ABCC8: variants seen among roughly 807,000 people sequenced by gnomAD.
ABCC8 encodes the protein ATP binding cassette subfamily C member 8, also known as ATP-binding cassette sub-family C member 8.
Under a neutral mutation model 188.0 loss-of-function variants are expected in ABCC8, and 137 were observed. The observed-to-expected ratio is 0.73, with a 90% CI of 0.63 to 0.84. ABCC8 has a LOEUF of 0.84. ABCC8 is among the 40% of genes least tolerant of loss of function. The pLI is 0.00. For synonymous variants in ABCC8, 797 were observed against 846.5 expected (o/e 0.94, Z 1.01); for missense variants, 1,750 against 2,072.7 (o/e 0.84, Z 3.02).
intron 8 of ABCC8, among the ~76,000 whole-genome samples, chr11:17,445,827 G>A (rs931034406): frequency 8.5e-5 from 13 of 152,212 alleles, no homozygotes; most frequent in African/African-American, 2.9e-4. Flanking sequence ...TACAAGGGAG[G>A]GGGGCTGGGA....
chr11:17,414,641 C>T (rs191316152), intron 18 of ABCC8, 31 bp from the exon 19 acceptor site: 59 of 1,613,132 alleles, frequency 3.7e-5, no homozygotes, highest in Non-Finnish European at 4.7e-5. Context: ...GTAGGGGGTG[C>T]GGAAGGCATT....
intron 26 of ABCC8, among the ~76,000 whole-genome samples, chr11:17,406,157 C>A (rs1369131569): frequency 1.3e-5 from 2 of 152,212 alleles, no homozygotes; most frequent in African/African-American, 4.8e-5. Flanking sequence ...CAACTTTAAA[C>A]CTCTTTGACA....
intron 10 of ABCC8, among the ~76,000 whole-genome samples, chr11:17,432,760 A>C (rs548472305): frequency 2.0e-5 from 3 of 152,252 alleles, no homozygotes; most frequent in Admixed American, 2.0e-4. Context: ...TGTCCCTTAG[A>C]GTCTGTGTGC....
chr11:17,425,462 T>C (rs111379515), intron 16 of ABCC8, among the ~76,000 whole-genome samples: 49 of 152,326 alleles, frequency 3.2e-4, no homozygotes, highest in Admixed American at 1.2e-3. Context: ...CTAGAAATGA[T>C]TGGTAGGGAA....
rs546484380 is a variant in ABCC8 at position 17,439,649 on chromosome 11, GGCAAACACACTGA to G, written c.1630+3058_1630+3070del. ...GGAAAAAAAAACACATCCTCGGAAA[GGCAAACACACTGA>G]GCAAACAGCACTTGACTTTCAAAGC... On this transcript the variant is annotated intron_variant, in intron 10 of 38. Transcript: ENST00000389817. Among the ~76,000 whole-genome samples, 13 of 152,174 alleles carry G rather than the reference GGCAAACACACTGA, an allele frequency of 8.5e-5. No individual in the cohort carries two copies. In the East Asian group the frequency reaches 2.3e-3, roughly 27 times the overall value.
chr11:17,440,711 C>A (rs189566756), intron 10 of ABCC8, among the ~76,000 whole-genome samples: 137 of 152,370 alleles, frequency 9.0e-4, no homozygotes, highest in Admixed American at 2.6e-3. Flanking sequence ...GATGACTGGA[C>A]CACATTCCCT....
At chr11:17,408,814 GCC>G (rs1954665379) in intron 22 of ABCC8, among the ~76,000 whole-genome samples, 1 of 152,334 alleles carries the variant, frequency 6.6e-6, no homozygotes, top group East Asian at 1.9e-4. Flanking sequence ...CACGGCAGCG[GCC>G]GTCATACACT....
chr11:17,412,181 C>T (rs1019951447), intron 21 of ABCC8, among the ~76,000 whole-genome samples: 5 of 152,284 alleles, frequency 3.3e-5, no homozygotes, highest in Non-Finnish European at 5.9e-5. Context: ...CGTGAGCCAC[C>T]GCGCCTGGCC....
At chr11:17,413,220 T>G in intron 20 of ABCC8, among the ~76,000 whole-genome samples, 174 bp downstream of exon 20, 1 of 152,218 alleles carries the variant, frequency 6.6e-6, no homozygotes, top group South Asian at 2.1e-4. Flanking sequence ...CAAGCAGGAC[T>G]GAAAACCTGT....
At chr11:17,455,658 C>T (rs1956964943) in intron 6 of ABCC8, among the ~76,000 whole-genome samples, 1 of 152,112 alleles carries the variant, frequency 6.6e-6, no homozygotes, top group African/African-American at 2.4e-5. Flanking sequence ...GGGTACCTGA[C>T]TAGGCGTGGT....
At chr11:17,457,519 G>A (rs1463280846) in intron 6 of ABCC8, among the ~76,000 whole-genome samples, 1 of 152,200 alleles carries the variant, frequency 6.6e-6, no homozygotes. Flanking sequence ...TCAGACACCA[G>A]CAGCTCATTA....
intron 16 of ABCC8, among the ~76,000 whole-genome samples, chr11:17,423,905 A>G (rs1194072220): frequency 6.6e-6 from 1 of 152,232 alleles, no homozygotes; most frequent in African/African-American, 2.4e-5. Context: ...CACTTCTGCC[A>G]TTTAACAGCT....
At chr11:17,472,483 G>A (rs1848534973) in intron 2 of ABCC8, among the ~76,000 whole-genome samples, 1 of 152,194 alleles carries the variant, frequency 6.6e-6, no homozygotes, top group Non-Finnish European at 1.5e-5. Flanking sequence ...AATCAGGGCT[G>A]CCTTAATCAG....
intron 10 of ABCC8, among the ~76,000 whole-genome samples, chr11:17,440,820 A>G (rs1284509482): frequency 2.6e-5 from 4 of 152,184 alleles, no homozygotes; most frequent in African/African-American, 7.2e-5. Flanking sequence ...CTGCTATGGG[A>G]TATTTCCCCA....
At position 17,475,933 on chromosome 11, in the gene ABCC8, C is replaced by A. The variant is rs535368601; in HGVS notation, c.148+696G>T. Among the ~76,000 whole-genome samples, 3 of 152,348 alleles carry A rather than the reference C, an allele frequency of 2.0e-5. No homozygotes were observed. The South Asian group carries it at 6.2e-4, about 32-fold the overall frequency. On this transcript the variant is annotated intron_variant, in intron 1 of 38. Coordinates refer to ENST00000389817, the MANE Select transcript of ABCC8 (RefSeq NM_000352.6). Reference sequence around the variant, plus strand: ...GGAGAGGCACGCACGATTGTCCCGGCCGTGGCGCCCAACTTTGCAAGCAAG... The same window carrying A: ...GGAGAGGCACGCACGATTGTCCCGGACGTGGCGCCCAACTTTGCAAGCAAG...
At chr11:17,451,228 G>A (rs1956804952) in intron 7 of ABCC8, among the ~76,000 whole-genome samples, 1 of 152,216 alleles carries the variant, frequency 6.6e-6, no homozygotes, top group African/African-American at 2.4e-5. Context: ...GGTGGTGCAA[G>A]TCTGCCTGTC....
chr11:17,412,710 T>A lies in ABCC8; in HGVS notation c.2512A>T (p.Ser838Cys). The change falls in exon 21 of 39, where the codon AGT becomes TGT. Residue 838 changes from serine to cysteine, a missense_variant. Physicochemically the swap from Ser to Cys is moderately radical, Grantham distance 112. Transcript: ENST00000389817. The stretch of plus-strand genomic sequence containing the variant: ...TGCTGGTAGAGGGCTCGGGCCACAC[T>A]GATTCGCTGGCGTTGACCACCAGAC... ...NLSGGQRQRI[S>C]VARALYQHAN... The A allele has an allele frequency of 6.2e-7, 1 of 1,612,196 alleles. No homozygotes were observed. The highest frequency in any genetic ancestry group is 1.1e-5 in the South Asian group (1 of 90,474).
chr11:17,406,995 G>A lies in ABCC8; in HGVS notation c.3055C>T (p.Gln1019Ter). The change falls in exon 25 of 39, where the codon CAG becomes TAG. Residue 1019 changes from glutamine (Q) to a stop codon, truncating the protein, a stop_gained. Transcript: ENST00000389817. LOFTEE classifies it high-confidence loss of function. Reference sequence around the variant, plus strand: ...ACCAGGACCATGTGCTTGAGCAGCTGTGAGAAGACCAGCAACGACAGGAGC... The same window carrying A: ...ACCAGGACCATGTGCTTGAGCAGCTATGAGAAGACCAGCAACGACAGGAGC... ...ILLLSLLVFS[Q>*]LLKHMVLVAI... 6.2e-7 allele frequency: 1 copy of A among 1,614,212 alleles called. No homozygotes were observed. The highest frequency in any genetic ancestry group is 8.5e-7 in the Non-Finnish European group (1 of 1,180,048).
chr11:17,474,151 T>G (rs1370193779), intron 2 of ABCC8, among the ~76,000 whole-genome samples: 1 of 152,128 alleles, frequency 6.6e-6, no homozygotes, highest in Non-Finnish European at 1.5e-5. Context: ...TCCTCTCACC[T>G]CCCAGAGTAC....
Sources: gnomAD v4.1 joint callset for allele counts (sites outside exome capture counted in the v4.1 genomes callset) on GRCh38, gnomAD v4.1.1 for gene constraint, MANE v1.5 for transcripts, NCBI Gene and HGNC (gene_info 2026-07-23, HGNC 2026-07-21) for gene names.